The following DGKB variants were observed in gnomAD, a reference collection of about 807,000 sequenced individuals.
DGKB encodes the protein 90 kDa diacylglycerol kinase.
Under a neutral mutation model 114.3 loss-of-function variants are expected in DGKB, and 67 were observed. The ratio of observed to expected loss-of-function variants is 0.59; its 90% CI spans 0.48 to 0.72. The LOEUF is 0.72. Ranked by LOEUF, DGKB falls within the 30% of genes least tolerant of loss-of-function variation. The pLI, the probability that DGKB is intolerant of heterozygous loss-of-function variation, is 0.00. For missense variants in DGKB, 907 were observed against 975.2 expected (o/e 0.93, Z 0.93); for synonymous variants, 398 against 323.1 (o/e 1.23, Z -2.49).
chr7:14,691,750 G>A (rs1429695042), intron 9 of DGKB, among the ~76,000 whole-genome samples: 1 of 151,730 alleles, frequency 6.6e-6, no homozygotes, highest in Non-Finnish European at 1.5e-5. Flanking sequence ...CAGAGATGGG[G>A]TGGGGGGCGG....
intron 17 of DGKB, among the ~76,000 whole-genome samples, chr7:14,595,412 A>G (rs1053642735): frequency 5.3e-5 from 8 of 152,014 alleles, no homozygotes; most frequent in African/African-American, 1.9e-4. Flanking sequence ...TACTCATGGA[A>G]CTTGTGTTCA....
rs140649413 is a variant in DGKB, at chr7:14,828,533, C to T, written c.70+12661G>A. ...GCAAGCTCATGAATTCCCCTCAAAA[C>T]GACACCCCACCTCCTGCTACCAGTA... On this transcript the variant is annotated intron_variant, in intron 2 of 25. Transcript: ENST00000402815. Among the ~76,000 whole-genome samples, 306 of 152,084 alleles carry T rather than the reference C, an allele frequency of 2.0e-3. 1 individual carries two copies. The highest frequency in any genetic ancestry group is 6.9e-3 in the African/African-American group (285 of 41,498).
At chr7:14,732,011 A>G (rs192190114) in intron 5 of DGKB, among the ~76,000 whole-genome samples, 35 of 152,328 alleles carry the variant, frequency 2.3e-4, no homozygotes, top group Admixed American at 1.2e-3. Flanking sequence ...CATCTTCTTC[A>G]TGAAATGCCA....
upstream of DGKB, among the ~76,000 whole-genome samples, chr7:14,905,238 T>C (rs1021422727): frequency 3.2e-5 from 3 of 94,970 alleles, no homozygotes; most frequent in Admixed American, 3.3e-4. Context: ...AACATCCATC[T>C]TGTTAGTTTT....
At chr7:14,819,699 A>T (rs1844644853) in intron 2 of DGKB, among the ~76,000 whole-genome samples, 1 of 152,238 alleles carries the variant, frequency 6.6e-6, no homozygotes, top group African/African-American at 2.4e-5. Flanking sequence ...TGAGACACAG[A>T]GATGAAGAAA....
intron 23 of DGKB, chr7:14,191,654 G>A (rs563470370): frequency 1.1e-3 from 318 of 302,680 alleles, no homozygotes; most frequent in Non-Finnish European, 1.8e-3. Flanking sequence ...AATGCACCAT[G>A]AGGCTTTGAG....
chr7:14,444,630 T>C (rs895624018), intron 21 of DGKB, among the ~76,000 whole-genome samples: 3 of 151,900 alleles, frequency 2.0e-5, no homozygotes, highest in Non-Finnish European at 2.9e-5. Flanking sequence ...CTGATGTTTA[T>C]TGAAAATTAC....
At chr7:14,479,732 G>A (rs193206566) in intron 20 of DGKB, among the ~76,000 whole-genome samples, 37 of 152,088 alleles carry the variant, frequency 2.4e-4, no homozygotes, top group African/African-American at 8.7e-4. Context: ...TCTTACTGTG[G>A]TATGAGATTA....
intron 21 of DGKB, among the ~76,000 whole-genome samples, chr7:14,407,351 C>T (rs1263209034): frequency 6.6e-6 from 1 of 152,024 alleles, no homozygotes; most frequent in Non-Finnish European, 1.5e-5. Context: ...CTTCCAATAA[C>T]ATTGTGTCTC....
At chr7:14,643,569 C>A (rs1812266975) in intron 13 of DGKB, among the ~76,000 whole-genome samples, 1 of 152,156 alleles carries the variant, frequency 6.6e-6, no homozygotes, top group African/African-American at 2.4e-5. Context: ...GGTGGTACAA[C>A]TGTGTTCCCA....
chr7:14,232,685 C>A (rs1792098454), intron 23 of DGKB, among the ~76,000 whole-genome samples: 1 of 151,934 alleles, frequency 6.6e-6, no homozygotes, highest in Non-Finnish European at 1.5e-5. Context: ...TTAAAGGGCA[C>A]AGTCTGATTA....
At chr7:14,611,207 T>C (rs567261233) in intron 16 of DGKB, among the ~76,000 whole-genome samples, 11 of 152,226 alleles carry the variant, frequency 7.2e-5, no homozygotes, top group African/African-American at 2.4e-4. Flanking sequence ...AGCACTTTTA[T>C]CTTAAACATT....
At chr7:14,606,789 T>C (rs1804592118) in intron 17 of DGKB, among the ~76,000 whole-genome samples, 3 of 152,064 alleles carry the variant, frequency 2.0e-5, no homozygotes, top group Non-Finnish European at 4.4e-5. Flanking sequence ...ATACAGTTTA[T>C]GTTAAAAATT....
At chr7:14,260,087 TACACACACACACACACAC>T (rs60392482) in intron 23 of DGKB, among the ~76,000 whole-genome samples, 1 of 150,900 alleles carries the variant, frequency 6.6e-6, no homozygotes, top group African/African-American at 2.4e-5. Context: ...TACATATGTG[TACACACACACACACACAC>T]ATGAACACAC....
chr7:14,378,196 C>T (rs991817426), intron 21 of DGKB, among the ~76,000 whole-genome samples: 1 of 152,088 alleles, frequency 6.6e-6, no homozygotes, highest in African/African-American at 2.4e-5. Context: ...TGATTCTAGG[C>T]TCATGGGGTC....
At chr7:14,696,132 C>A (rs2128999814) in intron 8 of DGKB, among the ~76,000 whole-genome samples, 1 of 152,230 alleles carries the variant, frequency 6.6e-6, no homozygotes, top group East Asian at 1.9e-4. Flanking sequence ...CTCAAATCTA[C>A]AAACACACCC....
chr7:14,268,615 T>G (rs578114427), intron 23 of DGKB, among the ~76,000 whole-genome samples: 2 of 152,294 alleles, frequency 1.3e-5, no homozygotes, highest in South Asian at 4.1e-4. Context: ...AAGAAATATG[T>G]TAGAAGATGT....
intron 6 of DGKB, among the ~76,000 whole-genome samples, chr7:14,713,753 A>G (rs1827740823): frequency 1.3e-5 from 2 of 151,952 alleles, no homozygotes; most frequent in South Asian, 2.1e-4. Context: ...AACTTTTAAC[A>G]TGTAGCTTAC....
In DGKB at chr7:14,673,007, A is replaced by G. The variant is rs1409169014; in HGVS notation, c.1056T>C (p.Ser352=). Residue 352 remains serine, a synonymous_variant, in exon 13 of 26, where the codon TCT becomes TCC. Transcript: ENST00000402815. ...CQITLHNKCA[S]HLKPECDCGP... The stretch of plus-strand genomic sequence containing the variant: ...CACAGTCACATTCAGGTTTTAGATG[A>G]GAAGCACATTTATTATGCAGCTAGA... The G allele has an allele frequency of 6.4e-7, 1 of 1,573,034 alleles. No homozygotes were observed. Among genetic ancestry groups the G allele is most frequent in the Non-Finnish European group, 8.6e-7 (1 of 1,157,258 alleles).
Sources: allele counts gnomAD v4.1 joint callset (sites outside exome capture counted in the v4.1 genomes callset), GRCh38; gene constraint gnomAD v4.1.1; transcripts MANE v1.5; gene names NCBI Gene and HGNC (gene_info 2026-07-23, HGNC 2026-07-21).